Variants in ARHGEF28 observed in about 807,000 individuals in gnomAD.
The protein encoded by ARHGEF28 is 190 kDa guanine nucleotide exchange factor.
ARHGEF28 carries 152 observed loss-of-function variants against 206.6 expected under a neutral mutation model. That is an observed-to-expected ratio of 0.74 (90% confidence interval 0.64 to 0.84). The LOEUF (loss-of-function observed/expected upper bound fraction) is 0.84. ARHGEF28 is among the 40% of genes least tolerant of loss of function. The probability of loss-of-function intolerance (pLI) is 0.00; values close to 1 mark genes in which losing one functional copy is unlikely to be tolerated. For missense variants in ARHGEF28, 2,028 were observed against 2,073.2 expected (o/e 0.98, Z 0.42); for synonymous variants, 763 against 776.4 (o/e 0.98, Z 0.29).
At chr5:73,737,453 T>TTTTC (rs1751027089) in intron 2 of ARHGEF28, among the ~76,000 whole-genome samples, 1 of 41,330 alleles carries the variant, frequency 2.4e-5, no homozygotes, top group Non-Finnish European at 4.5e-5. Context: ...TTTTCTTTTC[T>TTTTC]TTTCTTTTCT....
intron 1 of ARHGEF28, among the ~76,000 whole-genome samples, chr5:73,661,592 A>G (rs1745601057): frequency 6.6e-6 from 1 of 152,136 alleles, no homozygotes; most frequent in African/African-American, 2.4e-5. Context: ...AGTGAGAGAC[A>G]TGCAACTCTT....
At chr5:73,880,936 C>CA (rs34087626) in intron 22 of ARHGEF28, among the ~76,000 whole-genome samples, 5,643 of 148,206 alleles carry the variant, frequency 0.038, 174 homozygotes, top group Non-Finnish European at 0.053. Context: ...CACCCTGCCT[C>CA]AAAAAAAAAA....
chr5:73,937,694 G>T (rs1173466149), intron 35 of ARHGEF28, among the ~76,000 whole-genome samples: 1 of 152,164 alleles, frequency 6.6e-6, no homozygotes, highest in East Asian at 1.9e-4. Context: ...GATCACAAAT[G>T]AAACTGGGTG....
intron 30 of ARHGEF28, chr5:73,898,375 C>CAAAATAAA (rs1762081428): frequency 4.7e-6 from 1 of 212,802 alleles, no homozygotes; most frequent in Non-Finnish European, 9.6e-6. Context: ...CCTACCCTGC[C>CAAAATAAA]TCATTTTTGA....
At position 73,635,823 on chromosome 5, in the gene ARHGEF28, G is replaced by A. The variant is rs1385307014; in HGVS notation, c.-12+9501G>A. 2.6e-5 allele frequency among the ~76,000 whole-genome samples: 4 copies of A among 152,286 alleles called. No individual in the cohort carries two copies. The East Asian group carries it at 5.8e-4, about 22-fold the overall frequency. On this transcript the variant is annotated intron_variant, in intron 1 of 35. Transcript: ENST00000513042. ...CTAGAGATGTAGCAGGATTCAGCTG[G>A]CCATTCCTATTCTTGGAGAAAAAGA...
chr5:73,840,043 CT>C (rs1757887324), intron 10 of ARHGEF28, among the ~76,000 whole-genome samples: 1 of 152,140 alleles, frequency 6.6e-6, no homozygotes, highest in Non-Finnish European at 1.5e-5. Context: ...AAGGAACAAC[CT>C]TATAAAATAC....
chr5:73,685,370 G>A (rs4704094), intron 2 of ARHGEF28, among the ~76,000 whole-genome samples: 6,611 of 152,230 alleles, frequency 0.043, 160 homozygotes, highest in East Asian at 0.1. Flanking sequence ...TGCCATCTAG[G>A]CCCAGGAGGA....
chr5:73,660,220 T>G (rs1036322588), intron 1 of ARHGEF28, among the ~76,000 whole-genome samples: 2 of 152,222 alleles, frequency 1.3e-5, no homozygotes, highest in Admixed American at 1.3e-4. Flanking sequence ...CTAGGAGTAG[T>G]TTCCATATCA....
intron 1 of ARHGEF28, among the ~76,000 whole-genome samples, chr5:73,629,891 A>G (rs1743255108): frequency 6.6e-6 from 1 of 152,258 alleles, no homozygotes; most frequent in Non-Finnish European, 1.5e-5. Context: ...TAGAAAGTTA[A>G]CATACAAGCG....
intron 2 of ARHGEF28, among the ~76,000 whole-genome samples, chr5:73,728,209 T>C (rs1750398098): frequency 6.6e-6 from 1 of 152,222 alleles, no homozygotes. Context: ...TAAGTAAACA[T>C]GTAGAACAAA....
At chr5:73,757,108 G>A (rs1049564581) in intron 4 of ARHGEF28, among the ~76,000 whole-genome samples, 3 of 152,124 alleles carry the variant, frequency 2.0e-5, no homozygotes, top group Non-Finnish European at 4.4e-5. Context: ...TTTAATCTAA[G>A]CAGTTTAAAA....
chr5:73,893,849 T>A (rs1004158795), intron 28 of ARHGEF28, among the ~76,000 whole-genome samples: 5 of 152,214 alleles, frequency 3.3e-5, no homozygotes, highest in Admixed American at 1.3e-4. Context: ...CAGAGGGGAC[T>A]GAGAATTCCT....
chr5:73,710,797 G>A (rs1051784911), intron 2 of ARHGEF28, among the ~76,000 whole-genome samples: 1 of 152,148 alleles, frequency 6.6e-6, no homozygotes, highest in African/African-American at 2.4e-5. Flanking sequence ...CTGCCTCGCG[G>A]GTTCAAGTGA....
intron 1 of ARHGEF28, among the ~76,000 whole-genome samples, chr5:73,649,334 C>A (rs1366621081): frequency 1.3e-5 from 2 of 152,078 alleles, no homozygotes; most frequent in Non-Finnish European, 2.9e-5. Context: ...AGCACCTGAT[C>A]CAGAATTGAA....
intron 9 of ARHGEF28, among the ~76,000 whole-genome samples, chr5:73,812,636 G>A (rs1755912107): frequency 6.6e-6 from 1 of 152,122 alleles, no homozygotes; most frequent in Admixed American, 6.6e-5. Context: ...AGGCAGTAAT[G>A]AGCTTCTCCT....
intron 2 of ARHGEF28, among the ~76,000 whole-genome samples, chr5:73,727,776 C>A (rs567128846): frequency 2.0e-5 from 3 of 152,334 alleles, no homozygotes; most frequent in African/African-American, 7.2e-5. Context: ...TGGCCCTCAA[C>A]ATCCAGTTAA....
intron 2 of ARHGEF28, among the ~76,000 whole-genome samples, chr5:73,698,294 A>T (rs1423020366): frequency 6.6e-6 from 1 of 152,156 alleles, no homozygotes; most frequent in African/African-American, 2.4e-5. Flanking sequence ...CCCTGCATAG[A>T]ATACTTTTAA....
At chr5:73,686,881 G>C (rs1747511766) in intron 2 of ARHGEF28, among the ~76,000 whole-genome samples, 1 of 152,014 alleles carries the variant, frequency 6.6e-6, no homozygotes, top group South Asian at 2.1e-4. Flanking sequence ...AAAAGTACAG[G>C]AAAGTGTTAA....
intron 35 of ARHGEF28, among the ~76,000 whole-genome samples, chr5:73,938,368 C>T (rs899920933): frequency 1.3e-5 from 2 of 152,142 alleles, no homozygotes; most frequent in Non-Finnish European, 2.9e-5. Flanking sequence ...CAAAATATCA[C>T]TATTTTGAAT....
Sources: gnomAD v4.1 joint callset for allele counts (sites outside exome capture counted in the v4.1 genomes callset) on GRCh38, gnomAD v4.1.1 for gene constraint, MANE v1.5 for transcripts, NCBI Gene and HGNC (gene_info 2026-07-23, HGNC 2026-07-21) for gene names.